Variants in BPTF observed in about 807,000 individuals in gnomAD.
BPTF encodes the protein bromodomain PHD finger transcription factor.
In BPTF, 18 loss-of-function variants were observed where a neutral mutation model predicts 292.5. That is an observed-to-expected ratio of 0.06 (90% CI 0.04 to 0.09). BPTF has a LOEUF of 0.09. Among genes scored for constraint, BPTF ranks in the 10% least tolerant of loss-of-function variants. The probability of loss-of-function intolerance (pLI) is 1.00; values close to 1 mark genes in which losing one functional copy is unlikely to be tolerated. For missense variants in BPTF, 2,726 were observed against 3,498.7 expected (o/e 0.78, Z 5.57); for synonymous variants, 1,225 against 1,251.9 (o/e 0.98, Z 0.45).
intron 9 of BPTF, among the ~76,000 whole-genome samples, chr17:67,906,717 A>G (rs919924369): frequency 2.0e-5 from 3 of 152,110 alleles, no homozygotes; most frequent in African/African-American, 7.2e-5. Context: ...AAAAATAGAT[A>G]TATTTTTTAT....
chr17:67,907,542 G>C (rs932553491), intron 9 of BPTF, among the ~76,000 whole-genome samples: 2 of 151,976 alleles, frequency 1.3e-5, no homozygotes, highest in African/African-American at 4.8e-5. Flanking sequence ...TTTTAATAGA[G>C]ACGGGGTTTT....
intron 1 of BPTF, among the ~76,000 whole-genome samples, chr17:67,835,799 G>A (rs2057084783): frequency 6.6e-6 from 1 of 151,898 alleles, no homozygotes; most frequent in African/African-American, 2.4e-5. Flanking sequence ...CCAAGTAGCT[G>A]GGACTACAGG....
intron 2 of BPTF, among the ~76,000 whole-genome samples, chr17:67,855,436 T>G (rs1002944703): frequency 6.6e-6 from 1 of 152,168 alleles, no homozygotes; most frequent in Non-Finnish European, 1.5e-5. Flanking sequence ...TCTTTTTTGG[T>G]TTTACCATAT....
At chr17:67,942,757 G>T (rs782655578) in intron 19 of BPTF, among the ~76,000 whole-genome samples, 4 of 152,142 alleles carry the variant, frequency 2.6e-5, no homozygotes, top group Non-Finnish European at 4.4e-5. Flanking sequence ...TAAGTAAATT[G>T]TAGTATATTC....
chr17:67,873,703 C>T (rs1354840053), intron 3 of BPTF, among the ~76,000 whole-genome samples: 5 of 152,094 alleles, frequency 3.3e-5, no homozygotes, highest in African/African-American at 7.2e-5. Context: ...GACACATAGG[C>T]ATTCACTCAT....
In BPTF at chr17:67,929,390, C is replaced by A. The variant is rs1344852466; in HGVS notation, c.6053C>A (p.Thr2018Asn). 1 of 1,613,968 alleles carries A rather than the reference C, an allele frequency of 6.2e-7. No individual in the cohort carries two copies. Among genetic ancestry groups the A allele is most frequent in the East Asian group, 2.2e-5 (1 of 44,888 alleles). ...VLGIIPSSTGTSQQTFTSFQP... is the reference protein window; with the variant it reads ...VLGIIPSSTGNSQQTFTSFQP... ...GGTATCATTCCATCAAGTACAGGTA[C>A]CAGTCAGCAAACCTTTACTTCATTC... is the stretch of plus-strand genomic sequence containing the variant. Residue 2018 changes from threonine (T) to asparagine (N), a missense_variant, in exon 17 of 28, where the codon ACC (threonine) becomes AAC (asparagine). By Grantham distance (65) the Thr-to-Asn change is moderately conservative. This residue lies in a region of BPTF where 198 missense variants were observed against 277.1 expected (regional missense o/e 0.71). Transcript: ENST00000306378.
chr17:67,845,254 G>C (rs1377411056), intron 1 of BPTF, among the ~76,000 whole-genome samples: 1 of 152,198 alleles, frequency 6.6e-6, no homozygotes, highest in African/African-American at 2.4e-5. Flanking sequence ...TCTGTAAGGT[G>C]ATTCTTTGAG....
chr17:67,834,345 G>C (rs763685347), intron 1 of BPTF, among the ~76,000 whole-genome samples: 7 of 152,150 alleles, frequency 4.6e-5, no homozygotes, highest in Non-Finnish European at 1.0e-4. Flanking sequence ...AATTTTGTCA[G>C]TCTAAGTGAA....
chr17:67,919,521 A>G lies in BPTF; in HGVS notation c.5429-494A>G, dbSNP rs2063296359. ...ACTAATGTCTTCCAGTCTGGATAAC[A>G]GAGCAAAACCCTGTCTCTTAAAAAA... On this transcript the variant is annotated intron_variant, in intron 12 of 27. Transcript: ENST00000306378. 4.6e-5 allele frequency among the ~76,000 whole-genome samples: 7 copies of G among 152,302 alleles called. No individual in the cohort carries two copies. In the South Asian group the frequency reaches 1.4e-3, roughly 32 times the overall value.
chr17:67,954,152 C>G (rs2066701221), intron 23 of BPTF, among the ~76,000 whole-genome samples: 1 of 129,532 alleles, frequency 7.7e-6, no homozygotes, highest in Non-Finnish European at 1.7e-5. Flanking sequence ...GCCATGCCAC[C>G]CTGTCTGGCT....
At position 67,959,713 on chromosome 17, in the gene BPTF, C is replaced by T; in HGVS notation, c.8099C>T (p.Ser2700Phe). The T allele has an allele frequency of 6.3e-7, 1 of 1,599,276 alleles. No individual in the cohort carries two copies. Among genetic ancestry groups the T allele is most frequent in the Non-Finnish European group, 8.5e-7 (1 of 1,175,168 alleles). The stretch of plus-strand genomic sequence containing the variant: ...GCTGTGCAACACACAGGCCTTCTGT[C>T]CACGCCCACCTTACCTGCTGCTTCC... Reference protein sequence around the residue: ...PPAVQHTGLLSTPTLPAASQK... With the variant: ...PPAVQHTGLLFTPTLPAASQK... Residue 2700 changes from serine to phenylalanine, a missense_variant, in exon 24 of 28, where the codon TCC becomes TTC. Ser to Phe is a radical substitution (Grantham distance 155, BLOSUM62 -2). Transcript: ENST00000306378.
At chr17:67,883,693 TG>T (rs1248993418) in intron 4 of BPTF, among the ~76,000 whole-genome samples, 2 of 151,974 alleles carry the variant, frequency 1.3e-5, no homozygotes, top group Non-Finnish European at 2.9e-5. Context: ...TCCGCCCCCC[TG>T]GGTTCAAGCA....
At chr17:67,932,586 A>G (rs2064494503) in intron 18 of BPTF, among the ~76,000 whole-genome samples, 1 of 152,236 alleles carries the variant, frequency 6.6e-6, no homozygotes, top group South Asian at 2.1e-4. Context: ...CTGTAATCCC[A>G]GCTACTTGGG....
chr17:67,850,566 A>G (rs1293808400), intron 1 of BPTF, among the ~76,000 whole-genome samples: 1 of 152,074 alleles, frequency 6.6e-6, no homozygotes, highest in Non-Finnish European at 1.5e-5. Context: ...ACGGGGTTTC[A>G]CCATATTGGC....
chr17:67,933,176 T>G (rs2064561315), intron 18 of BPTF, among the ~76,000 whole-genome samples: 1 of 151,612 alleles, frequency 6.6e-6, no homozygotes, highest in Non-Finnish European at 1.5e-5. Flanking sequence ...GAGAGTCGCT[T>G]GAACCCAGGA....
At chr17:67,919,809 T>C (rs571549859) in intron 12 of BPTF, among the ~76,000 whole-genome samples, 1 of 152,318 alleles carries the variant, frequency 6.6e-6, no homozygotes, top group East Asian at 1.9e-4. Flanking sequence ...GCATTTTGTT[T>C]CGTTTAGGAA....
intron 1 of BPTF, among the ~76,000 whole-genome samples, chr17:67,827,355 T>C (rs1351460783): frequency 6.6e-6 from 1 of 152,184 alleles, no homozygotes; most frequent in African/African-American, 2.4e-5. Flanking sequence ...ACCCCTCTTC[T>C]GTTTTCTCAC....
intron 1 of BPTF, among the ~76,000 whole-genome samples, chr17:67,831,141 A>G (rs2056631564): frequency 6.6e-6 from 1 of 152,152 alleles, no homozygotes; most frequent in South Asian, 2.1e-4. Context: ...GGATGGATTG[A>G]CAAGGACGAG....
intron 17 of BPTF, among the ~76,000 whole-genome samples, chr17:67,931,200 G>A (rs1235097507): frequency 6.6e-6 from 1 of 152,046 alleles, no homozygotes; most frequent in African/African-American, 2.4e-5. Flanking sequence ...GGGAGGCGGA[G>A]GTTGTAGTGA....
Sources: allele counts gnomAD v4.1 joint callset (sites outside exome capture counted in the v4.1 genomes callset), GRCh38; gene constraint gnomAD v4.1.1; regional missense constraint gnomAD v4.1.1; transcripts MANE v1.5; gene names NCBI Gene and HGNC (gene_info 2026-07-23, HGNC 2026-07-21).